The following CFDP1 variants were observed in gnomAD, a reference collection of about 807,000 sequenced individuals.
The protein encoded by CFDP1 is chromatin remodeling protein CFDP1.
Under a neutral mutation model 40.1 loss-of-function variants are expected in CFDP1, and 31 were observed. The observed-to-expected ratio is 0.77, with a 90% CI of 0.58 to 1.04. The LOEUF (loss-of-function observed/expected upper bound fraction) is 1.04, where lower values mean the gene tolerates loss of function less well. Among genes scored for constraint, CFDP1 ranks in the 50% least tolerant of loss-of-function variants. The pLI, the probability that CFDP1 is intolerant of heterozygous loss-of-function variation, is 0.00. For missense variants in CFDP1, 423 were observed against 343.4 expected (o/e 1.23, Z -1.83); for synonymous variants, 167 against 120.0 (o/e 1.39, Z -2.56).
intron 5 of CFDP1, among the ~76,000 whole-genome samples, chr16:75,327,620 C>T (rs761322085): frequency 3.3e-5 from 5 of 152,054 alleles, no homozygotes; most frequent in Non-Finnish European, 4.4e-5. Flanking sequence ...GAAAACCATC[C>T]AGCCAATCAA....
In CFDP1 at chr16:75,376,582, G is replaced by C. The variant is rs1253079077; in HGVS notation, c.650+18508C>G. On this transcript the variant is annotated intron_variant, in intron 5 of 6. Transcript: ENST00000283882. ...AATCAGTAGTTGCCTGGGGCAAAGA[G>C]CATAGGGCAAAAGCAACTGGAAAGG... Among the ~76,000 whole-genome samples, 5 of 152,186 alleles carry C rather than the reference G, an allele frequency of 3.3e-5. No homozygotes were observed. In the East Asian group the frequency reaches 9.6e-4, roughly 29 times the overall value.
chr16:75,427,541 G>A (rs770357904), intron 1 of CFDP1, among the ~76,000 whole-genome samples: 13 of 152,000 alleles, frequency 8.6e-5, no homozygotes, highest in South Asian at 4.2e-4. Flanking sequence ...ATGAGCCACC[G>A]CGCTCGGCCC....
At chr16:75,305,209 A>G in intron 5 of CFDP1, 27 bp from the exon 6 acceptor site, 1 of 1,610,730 alleles carries the variant, frequency 6.2e-7, no homozygotes, top group Non-Finnish European at 8.5e-7. Context: ...TGAAAGATGT[A>G]GCAGGTAAAA....
intron 5 of CFDP1, among the ~76,000 whole-genome samples, chr16:75,341,068 C>T (rs1484593676): frequency 1.3e-5 from 2 of 152,224 alleles, no homozygotes; most frequent in African/African-American, 4.8e-5. Flanking sequence ...CAAAGACACA[C>T]TGGGCATGCA....
chr16:75,389,003 T>C (rs1002853554), intron 5 of CFDP1, among the ~76,000 whole-genome samples: 5 of 152,132 alleles, frequency 3.3e-5, no homozygotes, highest in African/African-American at 4.8e-5. Context: ...TCTTAAGTTA[T>C]ATTGCTTTAG....
intron 5 of CFDP1, among the ~76,000 whole-genome samples, chr16:75,382,267 TA>T (rs2078859004): frequency 6.6e-6 from 1 of 152,278 alleles, no homozygotes; most frequent in African/African-American, 2.4e-5. Flanking sequence ...GAGTGATTGA[TA>T]AAATATAAGG....
At chr16:75,297,549 T>C (rs777660014) in intron 6 of CFDP1, among the ~76,000 whole-genome samples, 3 of 152,136 alleles carry the variant, frequency 2.0e-5, no homozygotes, top group African/African-American at 4.8e-5. Flanking sequence ...TCACGGCTCT[T>C]GCTCTTGATG....
chr16:75,319,348 T>G (rs377218876), intron 5 of CFDP1, among the ~76,000 whole-genome samples: 3 of 152,230 alleles, frequency 2.0e-5, no homozygotes, highest in African/African-American at 7.2e-5. Context: ...AGCCCCAAAC[T>G]TCTAACTGCT....
At chr16:75,362,869 A>T (rs1404016390) in intron 5 of CFDP1, 1 of 152,242 alleles carries the variant, frequency 6.6e-6, no homozygotes, top group Non-Finnish European at 1.5e-5. Context: ...AGGCCTATGT[A>T]CAGACCTCAA....
chr16:75,300,722 A>G (rs1232430619), intron 6 of CFDP1, among the ~76,000 whole-genome samples: 1 of 152,222 alleles, frequency 6.6e-6, no homozygotes, highest in Non-Finnish European at 1.5e-5. Context: ...TTGGACAACC[A>G]GAAGGTGATG....
chr16:75,305,679 T>C (rs1490811422), intron 5 of CFDP1, among the ~76,000 whole-genome samples: 2 of 152,222 alleles, frequency 1.3e-5, no homozygotes, highest in African/African-American at 2.4e-5. Flanking sequence ...GCAATAAGCA[T>C]GAGCCACTCT....
chr16:75,424,880 T>C (rs916202889), intron 1 of CFDP1, among the ~76,000 whole-genome samples: 2 of 151,684 alleles, frequency 1.3e-5, no homozygotes, highest in African/African-American at 2.4e-5. Flanking sequence ...GGTAAACATA[T>C]TGGAAAGGAA....
intron 5 of CFDP1, among the ~76,000 whole-genome samples, chr16:75,370,024 T>G (rs1363958503): frequency 6.6e-6 from 1 of 152,004 alleles, no homozygotes; most frequent in Admixed American, 6.6e-5. Context: ...TCTGCCCACC[T>G]CGGCTCTCAA....
intron 5 of CFDP1, among the ~76,000 whole-genome samples, chr16:75,388,358 T>C (rs147287676): frequency 3.9e-4 from 60 of 152,338 alleles, no homozygotes; most frequent in African/African-American, 1.2e-3. Flanking sequence ...TCTGAGAAGA[T>C]AGTATGTTTG....
At position 75,382,753 on chromosome 16, in the gene CFDP1, C is replaced by T. The variant is rs201311260; in HGVS notation, c.650+12337G>A. 5.9e-5 allele frequency among the ~76,000 whole-genome samples: 9 copies of T among 152,258 alleles called. No individual in the cohort carries two copies. In the East Asian group the frequency reaches 1.7e-3, roughly 29 times the overall value. ...GACCAAGATCAAGAGCATTTTTGTA[C>T]ATGATATTCCTTGGATCTTCCTAAT... On this transcript the variant is annotated intron_variant, in intron 5 of 6. Transcript: ENST00000283882.
At chr16:75,356,437 T>C (rs1340625714) in intron 5 of CFDP1, among the ~76,000 whole-genome samples, 3 of 152,216 alleles carry the variant, frequency 2.0e-5, no homozygotes, top group Non-Finnish European at 4.4e-5. Flanking sequence ...CTGAGCGGTA[T>C]GTCTCAAAAG....
chr16:75,384,716 G>A (rs1328853718), intron 5 of CFDP1, among the ~76,000 whole-genome samples: 1 of 151,620 alleles, frequency 6.6e-6, no homozygotes, highest in African/African-American at 2.4e-5. Flanking sequence ...ATAAGAGAAG[G>A]TGCACTCAAA....
At chr16:75,338,682 T>C (rs2078507189) in intron 5 of CFDP1, among the ~76,000 whole-genome samples, 1 of 152,182 alleles carries the variant, frequency 6.6e-6, no homozygotes, top group African/African-American at 2.4e-5. Context: ...CCCCCTTTCA[T>C]TTTTCTGGAC....
intron 1 of CFDP1, among the ~76,000 whole-genome samples, chr16:75,429,380 G>A (rs887153737): frequency 2.6e-5 from 4 of 152,192 alleles, no homozygotes; most frequent in East Asian, 1.9e-4. Context: ...CTGACCAGGC[G>A]TGGTGGCTCA....
Sources: gnomAD v4.1 joint callset for allele counts (sites outside exome capture counted in the v4.1 genomes callset) on GRCh38, gnomAD v4.1.1 for gene constraint, MANE v1.5 for transcripts, NCBI Gene and HGNC (gene_info 2026-07-23, HGNC 2026-07-21) for gene names.